The following EARS2 variants were observed in gnomAD, a reference collection of about 807,000 sequenced individuals.
EARS2 encodes the protein nondiscriminating glutamyl-tRNA synthetase EARS2, mitochondrial.
Under a neutral mutation model 54.1 loss-of-function variants are expected in EARS2, and 50 were observed. The ratio of observed to expected loss-of-function variants is 0.92; its 90% CI spans 0.74 to 1.17. The LOEUF (loss-of-function observed/expected upper bound fraction) is 1.17. Ranked by LOEUF, EARS2 falls within the 50% of genes most tolerant of loss-of-function variation. The probability of loss-of-function intolerance (pLI) is 0.00; values close to 1 mark genes in which losing one functional copy is unlikely to be tolerated. For synonymous variants in EARS2, 298 were observed against 281.0 expected, an observed-to-expected ratio of 1.06 and a Z score of -0.61; for missense variants, 673 against 675.0, an observed-to-expected ratio of 1.00 and a Z score of 0.03.
At chr16:23,526,699 A>C (rs546987483) in intron 7 of EARS2, among the ~76,000 whole-genome samples, 1 of 152,320 alleles carries the variant, frequency 6.6e-6, no homozygotes, top group East Asian at 1.9e-4. Flanking sequence ...TGGCTCTGCC[A>C]CCAACTTGCT....
chr16:23,536,921 TCTACCCGCCTCGGC>T (rs1440027114), intron 3 of EARS2: 1 of 151,736 alleles, frequency 6.6e-6, no homozygotes, highest in African/African-American at 2.4e-5. Flanking sequence ...GATCTCGTGA[TCTACCCGCCTCGGC>T]CTCCCATAGT....
At chr16:23,541,085 G>C (rs1346146378) in intron 3 of EARS2, among the ~76,000 whole-genome samples, 1 of 152,138 alleles carries the variant, frequency 6.6e-6, no homozygotes, top group Non-Finnish European at 1.5e-5. Context: ...GAGGCCACTT[G>C]AGGATCACTT....
At chr16:23,547,419 G>A (rs539059309) in intron 2 of EARS2, among the ~76,000 whole-genome samples, 6 of 152,314 alleles carry the variant, frequency 3.9e-5, no homozygotes, top group African/African-American at 1.4e-4. Context: ...GGAATTAGTG[G>A]TGACGGTTGC....
intron 2 of EARS2, among the ~76,000 whole-genome samples, chr16:23,550,125 C>A (rs1000650268): frequency 6.6e-6 from 1 of 151,978 alleles, no homozygotes; most frequent in South Asian, 2.1e-4. Flanking sequence ...TTTGGGAGGC[C>A]GAGGCAGGAG....
chr16:23,536,587 A>G (rs1195358991), intron 3 of EARS2, among the ~76,000 whole-genome samples: 1 of 151,954 alleles, frequency 6.6e-6, no homozygotes, highest in Non-Finnish European at 1.5e-5. Flanking sequence ...ACTGGAGCCC[A>G]GGAGGTTGAG....
At chr16:23,542,310 A>ATTTTT (rs764602136) in intron 3 of EARS2, among the ~76,000 whole-genome samples, 2 of 57,786 alleles carry the variant, frequency 3.5e-5, no homozygotes, top group African/African-American at 1.2e-4. Context: ...TGGACCTTTC[A>ATTTTT]TTTTTCTTTT....
chr16:23,525,443 G>GTGTT lies in EARS2; in HGVS notation c.1353-65_1353-64insAACA, dbSNP rs1965211339. The GTGTT allele has an allele frequency of 7.2e-6, 11 of 1,527,432 alleles. No homozygotes were observed. The Admixed American group carries it at 2.2e-4, about 30-fold the overall frequency. The allele number at this position is 1,527,432 out of a possible 1,614,324, so 94.6% of individuals were successfully genotyped here. ...CAATGGCAAGTGGGTGGGAGGAAGGGCTTCAGAAGGTTATTGATCAGCTAC... is the reference window on the plus strand; with the variant it reads ...CAATGGCAAGTGGGTGGGAGGAAGGGTGTTCTTCAGAAGGTTATTGATCAGCTAC... On this transcript the variant is annotated intron_variant, in intron 7 of 8. Coordinates refer to ENST00000449606, the MANE Select transcript of EARS2 (RefSeq NM_001083614.2).
At position 23,542,322 on chromosome 16, in the gene EARS2, T is replaced by C. The variant is rs1313194626; in HGVS notation, c.485+2192A>G. Among the ~76,000 whole-genome samples the C allele has an allele frequency of 1.2e-4, 15 of 124,462 alleles. No individual in the cohort carries two copies. In the South Asian group the frequency reaches 3.0e-3, roughly 25 times the overall value. The allele number at this position is 124,462 out of a possible 152,430, so 81.7% of individuals were successfully genotyped here. On this transcript the variant is annotated intron_variant, in intron 3 of 8. Coordinates refer to ENST00000449606, the MANE Select transcript of EARS2 (RefSeq NM_001083614.2). ...TTGTGGACCTTTCATTTTTCTTTTT[T>C]TTTTTTTTTTTTTTTGAGACAGTGT... is the stretch of plus-strand genomic sequence containing the variant.
intron 1 of EARS2, among the ~76,000 whole-genome samples, chr16:23,555,444 C>T (rs1965760472): frequency 6.6e-6 from 1 of 152,070 alleles, no homozygotes; most frequent in African/African-American, 2.4e-5. Flanking sequence ...GCCGAGATTG[C>T]ACCACTGCAC....
chr16:23,540,774 A>G (rs1965499066), intron 3 of EARS2, among the ~76,000 whole-genome samples: 3 of 151,750 alleles, frequency 2.0e-5, no homozygotes, highest in Admixed American at 6.6e-5. Flanking sequence ...CCTGAGCTCA[A>G]GAGTTCAAGA....
chr16:23,539,400 T>C (rs1018296616), intron 3 of EARS2, among the ~76,000 whole-genome samples: 1 of 152,160 alleles, frequency 6.6e-6, no homozygotes, highest in Non-Finnish European at 1.5e-5. Flanking sequence ...CCCAATGACA[T>C]TTCACTTTAT....
chr16:23,525,858 G>T (rs1210051970), intron 7 of EARS2, among the ~76,000 whole-genome samples: 2 of 151,658 alleles, frequency 1.3e-5, no homozygotes, highest in Non-Finnish European at 2.9e-5. Flanking sequence ...ATTAGCCAGG[G>T]ATGGTGGCGG....
intron 3 of EARS2, among the ~76,000 whole-genome samples, chr16:23,541,699 C>CT (rs375731589): frequency 0.069 from 2,932 of 42,216 alleles, 114 homozygotes; most frequent in African/African-American, 0.11. Flanking sequence ...TGTGGATCTT[C>CT]TTTTTTTTTT....
At chr16:23,554,974 T>C (rs1330749937) in intron 1 of EARS2, among the ~76,000 whole-genome samples, 1 of 152,208 alleles carries the variant, frequency 6.6e-6, no homozygotes, top group Non-Finnish European at 1.5e-5. Flanking sequence ...CTTTTATCTG[T>C]TTATAGTCAA....
chr16:23,534,668 G>A (rs996687495), intron 4 of EARS2, among the ~76,000 whole-genome samples: 1 of 152,286 alleles, frequency 6.6e-6, no homozygotes, highest in East Asian at 1.9e-4. Context: ...TAAGTCCCTT[G>A]AGGGCAGGGA....
intron 3 of EARS2, among the ~76,000 whole-genome samples, chr16:23,543,074 C>T (rs112382047): frequency 0.023 from 3,218 of 141,436 alleles, 55 homozygotes; most frequent in Non-Finnish European, 0.035. Context: ...GAGATTGCAC[C>T]ACTGCACTCT....
chr16:23,547,466 A>T (rs1432243001), intron 2 of EARS2, among the ~76,000 whole-genome samples: 1 of 152,218 alleles, frequency 6.6e-6, no homozygotes, highest in African/African-American at 2.4e-5. Context: ...ACTGAATTGT[A>T]CACTTTGATA....
rs1191921226 is a variant in EARS2, at chr16:23,521,864, G to A, written c.*2507C>T. The A allele has an allele frequency of 2.2e-6, 1 of 456,010 alleles. No homozygotes were observed. Among genetic ancestry groups the A allele is most frequent in the East Asian group, 6.9e-5 (1 of 14,400 alleles). 28.2% of individuals were successfully genotyped at this position (456,010 alleles called of 1,614,324 possible). The stretch of plus-strand genomic sequence containing the variant: ...GAAACAGATGCTCTGACAACACTCA[G>A]TAGATCAGAGTTAAGCTTGGACTCT... On this transcript the variant is annotated 3_prime_UTR_variant, in exon 9 of 9. Coordinates refer to ENST00000449606, the MANE Select transcript of EARS2 (RefSeq NM_001083614.2).
At chr16:23,540,691 A>G (rs1310371615) in intron 3 of EARS2, among the ~76,000 whole-genome samples, 1 of 152,156 alleles carries the variant, frequency 6.6e-6, no homozygotes, top group East Asian at 1.9e-4. Context: ...TAGTCCTAGC[A>G]CTTTGGGAGG....
Sources: allele counts gnomAD v4.1 joint callset (sites outside exome capture counted in the v4.1 genomes callset), GRCh38; gene constraint gnomAD v4.1.1; transcripts MANE v1.5; gene names NCBI Gene and HGNC (gene_info 2026-07-23, HGNC 2026-07-21).